Variants in PLXNC1 observed in about 807,000 individuals in gnomAD.
PLXNC1 encodes the protein plexin-C1.
Under a neutral mutation model 178.2 loss-of-function variants are expected in PLXNC1, and 75 were observed. The ratio of observed to expected loss-of-function variants is 0.42; its 90% confidence interval spans 0.35 to 0.51. The LOEUF (loss-of-function observed/expected upper bound fraction) is 0.51, where lower values mean the gene tolerates loss of function less well. Ranked by LOEUF, PLXNC1 falls within the 20% of genes least tolerant of loss-of-function variation. The probability of loss-of-function intolerance (pLI) is 0.02; values close to 1 mark genes in which losing one functional copy is unlikely to be tolerated. For synonymous variants in PLXNC1, 790 were observed against 779.9 expected, an observed-to-expected ratio of 1.01 and a Z score of -0.22; for missense variants, 1,503 against 1,984.4, an observed-to-expected ratio of 0.76 and a Z score of 4.61.
At chr12:94,255,058 C>T (rs1286383306) in intron 16 of PLXNC1, 135 bp from the exon 17 acceptor site, 1 of 907,404 alleles carries the variant, frequency 1.1e-6, no homozygotes, top group East Asian at 2.6e-5. Flanking sequence ...CTCTTCTCTG[C>T]AGCCAACCAA....
intron 21 of PLXNC1, among the ~76,000 whole-genome samples, chr12:94,265,543 A>G (rs1336721375): frequency 6.6e-6 from 1 of 152,208 alleles, no homozygotes; most frequent in East Asian, 1.9e-4. Flanking sequence ...CAGCACTTAT[A>G]ATTGCAATCA....
At position 94,260,185 on chromosome 12, in the gene PLXNC1, C is replaced by T. The variant is rs1320373829; in HGVS notation, c.3251+451C>T. Among the ~76,000 whole-genome samples the T allele has an allele frequency of 6.6e-6, 1 of 152,036 alleles. No individual in the cohort carries two copies. The highest frequency in any genetic ancestry group is 1.5e-5 in the Non-Finnish European group (1 of 67,998). ...CTCCTGCCTCAGCCTCCCCAAGTAG[C>T]TGGAACTACAGGTGCATGCCACCAC... On this transcript the variant is annotated intron_variant, in intron 19 of 30. Coordinates refer to ENST00000258526, the MANE Select transcript of PLXNC1 (RefSeq NM_005761.3). The surrounding 1 kb of genome is among the most constrained non-coding windows in gnomAD (Gnocchi z 4.4).
chr12:94,209,427 A>G (rs748646185), intron 4 of PLXNC1, among the ~76,000 whole-genome samples, 163 bp from the exon 5 acceptor site: 2 of 152,224 alleles, frequency 1.3e-5, no homozygotes, highest in Non-Finnish European at 2.9e-5. Context: ...TCATGGTTTT[A>G]GCATCATGTT....
chr12:94,231,579 A>G (rs1319963349), intron 9 of PLXNC1, among the ~76,000 whole-genome samples: 1 of 152,162 alleles, frequency 6.6e-6, no homozygotes, highest in Non-Finnish European at 1.5e-5. Flanking sequence ...AGTAGCCCTC[A>G]CACTGTTTCA....
At chr12:94,298,500 T>G (rs1180453398) in intron 26 of PLXNC1, 132 bp from the exon 27 acceptor site, 4 of 752,234 alleles carry the variant, frequency 5.3e-6, no homozygotes, top group Non-Finnish European at 6.3e-6. Flanking sequence ...AATTTTACAT[T>G]TTTCTCTTCA....
intron 6 of PLXNC1, among the ~76,000 whole-genome samples, chr12:94,222,435 A>G (rs959756875): frequency 3.3e-5 from 5 of 152,088 alleles, no homozygotes; most frequent in African/African-American, 4.8e-5. Flanking sequence ...CTGCTTTGAA[A>G]CATTGGAGAA....
intron 9 of PLXNC1, among the ~76,000 whole-genome samples, chr12:94,232,369 A>T (rs1565821881): frequency 6.6e-6 from 1 of 152,172 alleles, no homozygotes; most frequent in Non-Finnish European, 1.5e-5. Flanking sequence ...GATTACAGGC[A>T]TGAGCCACCG....
At chr12:94,262,710 T>C in intron 20 of PLXNC1, 1 of 985,448 alleles carries the variant, frequency 1.0e-6, no homozygotes, top group Non-Finnish European at 1.2e-6. Context: ...GCCCTAGTCC[T>C]CCTGTCCTAC....
chr12:94,155,535 T>C (rs1961135555), intron 1 of PLXNC1, among the ~76,000 whole-genome samples: 1 of 152,212 alleles, frequency 6.6e-6, no homozygotes, highest in Non-Finnish European at 1.5e-5. Flanking sequence ...TGCATTTTAC[T>C]TAGGGCCATA....
At chr12:94,157,648 C>T (rs1961223875) in intron 1 of PLXNC1, among the ~76,000 whole-genome samples, 1 of 152,194 alleles carries the variant, frequency 6.6e-6, no homozygotes, top group African/African-American at 2.4e-5. Context: ...TGTTCAATAG[C>T]TACACATAGT....
chr12:94,166,495 A>G (rs947110757), intron 1 of PLXNC1, among the ~76,000 whole-genome samples: 2 of 151,722 alleles, frequency 1.3e-5, no homozygotes, highest in Non-Finnish European at 2.9e-5. Context: ...TTCAGGTAGC[A>G]CACAGTAAGT....
intron 10 of PLXNC1, among the ~76,000 whole-genome samples, chr12:94,240,059 G>T (rs1303155165): frequency 6.6e-6 from 1 of 152,012 alleles, no homozygotes; most frequent in Non-Finnish European, 1.5e-5. Context: ...TTTTTGGGGG[G>T]GCATGATAAG....
chr12:94,179,898 C>A (rs911860893), intron 2 of PLXNC1, among the ~76,000 whole-genome samples: 2 of 151,944 alleles, frequency 1.3e-5, no homozygotes, highest in African/African-American at 4.8e-5. Flanking sequence ...CACTATTAGC[C>A]CCATTTTAGA....
At chr12:94,273,917 T>C (rs184530265) in intron 21 of PLXNC1, among the ~76,000 whole-genome samples, 59 of 152,132 alleles carry the variant, frequency 3.9e-4, no homozygotes, top group African/African-American at 1.3e-3. Context: ...GTCCCTACAT[T>C]CCGTGGTGTC....
At chr12:94,263,375 A>T (rs1228919308) in intron 20 of PLXNC1, among the ~76,000 whole-genome samples, 1 of 152,186 alleles carries the variant, frequency 6.6e-6, no homozygotes, top group African/African-American at 2.4e-5. Flanking sequence ...GCATGGGCAG[A>T]GTGTAGGGCC....
In PLXNC1 at chr12:94,173,901, G is replaced by A. The variant is rs184438936; in HGVS notation, c.1203+4608G>A. Among the ~76,000 whole-genome samples the A allele has an allele frequency of 3.5e-3, 527 of 152,268 alleles. 2 individuals are homozygous for A. Among genetic ancestry groups the A allele is most frequent in the African/African-American group, 0.012 (507 of 41,534 alleles). On this transcript the variant is annotated intron_variant, in intron 2 of 30. Coordinates refer to ENST00000258526, the MANE Select transcript of PLXNC1 (RefSeq NM_005761.3). The stretch of plus-strand genomic sequence containing the variant: ...CCTCTCTGAGCTGCGCGTAGTCCAC[G>A]GGGGTCTCTGAATCTCCTTTGGGGC...
chr12:94,151,269 C>G (rs895418898), intron 1 of PLXNC1, among the ~76,000 whole-genome samples: 1 of 152,032 alleles, frequency 6.6e-6, no homozygotes, highest in Non-Finnish European at 1.5e-5. Flanking sequence ...TCCCCCACCC[C>G]CTTCTTTCTC....
intron 23 of PLXNC1, among the ~76,000 whole-genome samples, chr12:94,289,307 A>T (rs1267901342): frequency 6.6e-6 from 1 of 152,158 alleles, no homozygotes; most frequent in Non-Finnish European, 1.5e-5. Context: ...CATCTCTGCC[A>T]CTTCTAACGT....
chr12:94,262,405 C>T (rs1965015556), intron 20 of PLXNC1: 1 of 784,930 alleles, frequency 1.3e-6, no homozygotes, highest in Non-Finnish European at 1.5e-6. Context: ...TCTTGTGATT[C>T]TTAACTCTGA....
Sources: gnomAD v4.1 joint callset for allele counts (sites outside exome capture counted in the v4.1 genomes callset) on GRCh38, gnomAD v4.1.1 for gene constraint, Gnocchi (gnomAD v3.1) non-coding constraint, MANE v1.5 for transcripts, NCBI Gene and HGNC (gene_info 2026-07-23, HGNC 2026-07-21) for gene names.